The following CNTNAP2 variants were observed in gnomAD, a reference collection of about 807,000 sequenced individuals.
CNTNAP2 encodes contactin associated protein 2, also known as contactin-associated protein-like 2.
In CNTNAP2, 98 loss-of-function variants were observed where a neutral mutation model predicts 155.2. That is an observed-to-expected ratio of 0.63 (90% CI 0.54 to 0.75). The LOEUF is 0.75. CNTNAP2 is among the 30% of genes least tolerant of loss of function. CNTNAP2 has a pLI of 0.00. For missense variants in CNTNAP2, 1,727 were observed against 1,688.1 expected (o/e 1.02, Z -0.40); for synonymous variants, 651 against 631.2 (o/e 1.03, Z -0.47).
At chr7:146,675,016 A>G (rs903045086) in intron 1 of CNTNAP2, among the ~76,000 whole-genome samples, 1 of 152,138 alleles carries the variant, frequency 6.6e-6, no homozygotes, top group African/African-American at 2.4e-5. Flanking sequence ...CTTATGCTAA[A>G]GTGGCATATT....
At chr7:146,855,821 A>G (rs982894275) in intron 3 of CNTNAP2, among the ~76,000 whole-genome samples, 290 of 45,850 alleles carry the variant, frequency 6.3e-3, no homozygotes, top group African/African-American at 0.023. Flanking sequence ...ATATATATAT[A>G]TATATATATA....
At chr7:148,309,927 T>A (rs1429543658) in intron 21 of CNTNAP2, among the ~76,000 whole-genome samples, 7 of 152,086 alleles carry the variant, frequency 4.6e-5, no homozygotes, top group Non-Finnish European at 1.5e-5. Context: ...TAATGGGCGA[T>A]GTTTCTTAGG....
chr7:147,600,635 T>A (rs1800925085), intron 12 of CNTNAP2, among the ~76,000 whole-genome samples: 1 of 152,198 alleles, frequency 6.6e-6, no homozygotes. Context: ...CCAAGTCTTG[T>A]TCCCTCTCTC....
chr7:146,262,977 G>A (rs1245651350), intron 1 of CNTNAP2, among the ~76,000 whole-genome samples: 1 of 152,134 alleles, frequency 6.6e-6, no homozygotes, highest in Non-Finnish European at 1.5e-5. Flanking sequence ...TGGGCTTGTG[G>A]GTAGTGGGGT....
At chr7:147,702,054 G>GTTTT in intron 13 of CNTNAP2, among the ~76,000 whole-genome samples, 1 of 121,314 alleles carries the variant, frequency 8.2e-6, no homozygotes, top group South Asian at 2.4e-4. Context: ...CACTTTGGTT[G>GTTTT]GTTTTTTTTT....
At chr7:148,134,141 C>T (rs1343610252) in intron 16 of CNTNAP2, among the ~76,000 whole-genome samples, 1 of 152,158 alleles carries the variant, frequency 6.6e-6, no homozygotes, top group Non-Finnish European at 1.5e-5. Context: ...ATTTTGCTTG[C>T]CTTTGCGGAT....
intron 18 of CNTNAP2, among the ~76,000 whole-genome samples, chr7:148,175,883 C>T (rs1794925531): frequency 6.6e-6 from 1 of 152,130 alleles, no homozygotes; most frequent in Non-Finnish European, 1.5e-5. Flanking sequence ...TTCTCTTCCT[C>T]CTTCCTTCTC....
In CNTNAP2 at chr7:147,385,616, A is replaced by G. The variant is rs187727389; in HGVS notation, c.1499-9993A>G. On this transcript the variant is annotated intron_variant, in intron 9 of 23. Coordinates refer to ENST00000361727, the MANE Select transcript of CNTNAP2 (RefSeq NM_014141.6). ...TGACTTCATGTCTCATATCCAGGTC[A>G]TGCAGATGCAAGAGGTGGGCCCCCA... 7.3e-3 allele frequency among the ~76,000 whole-genome samples: 1,114 copies of G among 152,364 alleles called. 15 individuals carry two copies. The highest frequency in any genetic ancestry group is 0.025 in the African/African-American group (1,049 of 41,590).
chr7:147,535,348 C>T (rs34006195), intron 11 of CNTNAP2, among the ~76,000 whole-genome samples: 4,168 of 152,000 alleles, frequency 0.027, 92 homozygotes, highest in South Asian at 0.051. Context: ...GTCAAGATCG[C>T]GCCACTGCAC....
chr7:146,843,054 G>A (rs1393141059), intron 3 of CNTNAP2, among the ~76,000 whole-genome samples: 1 of 88,962 alleles, frequency 1.1e-5, no homozygotes, highest in Admixed American at 1.6e-4. Flanking sequence ...CGCCCAGGCC[G>A]GACTGCGGAC....
At chr7:146,452,580 T>C (rs181671701) in intron 1 of CNTNAP2, among the ~76,000 whole-genome samples, 2 of 152,380 alleles carry the variant, frequency 1.3e-5, no homozygotes, top group African/African-American at 4.8e-5. Context: ...ATATAAGACA[T>C]CTTTTGTTAT....
intron 12 of CNTNAP2, among the ~76,000 whole-genome samples, chr7:147,605,828 G>A (rs1018278401): frequency 4.0e-5 from 6 of 151,808 alleles, no homozygotes; most frequent in African/African-American, 1.2e-4. Flanking sequence ...TCATATTTTG[G>A]GGTATTGTTT....
At chr7:146,828,031 A>G (rs1563248783) in intron 2 of CNTNAP2, among the ~76,000 whole-genome samples, 1 of 152,086 alleles carries the variant, frequency 6.6e-6, no homozygotes, top group East Asian at 1.9e-4. Flanking sequence ...TTTTTTGTAC[A>G]TTCTCTAAAT....
intron 1 of CNTNAP2, among the ~76,000 whole-genome samples, chr7:146,490,798 C>A (rs143099907): frequency 6.6e-6 from 1 of 152,122 alleles, no homozygotes; most frequent in South Asian, 2.1e-4. Flanking sequence ...TACTAGACCT[C>A]AGTATCCACT....
chr7:146,657,261 G>T (rs1800011536), intron 1 of CNTNAP2, among the ~76,000 whole-genome samples: 1 of 152,054 alleles, frequency 6.6e-6, no homozygotes, highest in Non-Finnish European at 1.5e-5. Context: ...TCATTTACTT[G>T]GTATTCCAAC....
chr7:147,756,832 C>A (rs960518905), intron 13 of CNTNAP2, among the ~76,000 whole-genome samples: 1 of 152,130 alleles, frequency 6.6e-6, no homozygotes, highest in African/African-American at 2.4e-5. Context: ...AACCCTTCAT[C>A]AGAATAGGAT....
At chr7:146,483,170 G>C (rs1014671491) in intron 1 of CNTNAP2, among the ~76,000 whole-genome samples, 3 of 149,610 alleles carry the variant, frequency 2.0e-5, no homozygotes, top group African/African-American at 7.3e-5. Context: ...CAGCTACTCG[G>C]GGGGCTGAGG....
Position 147,068,443 on chromosome 7 carries a change from C to T in CNTNAP2, c.550+24389C>T, listed in dbSNP as rs551281125. 4.6e-5 allele frequency among the ~76,000 whole-genome samples: 7 copies of T among 152,254 alleles called. No individual in the cohort carries two copies. The South Asian group carries it at 8.3e-4, about 18-fold the overall frequency. On this transcript the variant is annotated intron_variant, in intron 4 of 23. Coordinates refer to ENST00000361727, the MANE Select transcript of CNTNAP2 (RefSeq NM_014141.6). Reference sequence around the variant, plus strand: ...CTCAATCTCAGCTCACTGCAACCTCCGCCTCCCAGGTTCAAGCTGATTCTC... The same window carrying T: ...CTCAATCTCAGCTCACTGCAACCTCTGCCTCCCAGGTTCAAGCTGATTCTC...
rs1800052444 is a variant in CNTNAP2 at position 147,078,889 on chromosome 7, A to G, written c.551-29258A>G. On this transcript the variant is annotated intron_variant, in intron 4 of 23. Coordinates refer to ENST00000361727, the MANE Select transcript of CNTNAP2 (RefSeq NM_014141.6). ...GTCAGTCTCCCGAGTAGCTGGGATT[A>G]CAGGTGTGCGCCACCATGCCCAGCT... Among the ~76,000 whole-genome samples, 3 of 151,938 alleles carry G rather than the reference A, an allele frequency of 2.0e-5. No individual in the cohort carries two copies. The South Asian group carries it at 6.2e-4, about 32-fold the overall frequency.
Sources: allele counts gnomAD v4.1 joint callset (sites outside exome capture counted in the v4.1 genomes callset), GRCh38; gene constraint gnomAD v4.1.1; transcripts MANE v1.5; gene names NCBI Gene and HGNC (gene_info 2026-07-23, HGNC 2026-07-21).